RIMS4: variants seen among roughly 807,000 people sequenced by gnomAD.
RIMS4 encodes the protein regulating synaptic membrane exocytosis 4.
RIMS4 carries 9 observed loss-of-function variants against 29.0 expected under a neutral mutation model. That is an observed-to-expected ratio of 0.31 (90% CI 0.19 to 0.54). RIMS4 has a LOEUF of 0.54. Among genes scored for constraint, RIMS4 ranks in the 20% least tolerant of loss-of-function variants. RIMS4 has a pLI of 0.94. For missense variants in RIMS4, 193 were observed against 365.7 expected (o/e 0.53, Z 3.85); for synonymous variants, 130 against 152.9 (o/e 0.85, Z 1.10).
intron 1 of RIMS4, among the ~76,000 whole-genome samples, chr20:44,804,026 T>C (rs1374437532): frequency 1.3e-5 from 2 of 152,176 alleles, no homozygotes; most frequent in East Asian, 3.8e-4. Flanking sequence ...ACCCAGGATC[T>C]CATTTCATGC....
At chr20:44,775,057 C>T (rs1379893579) in intron 1 of RIMS4, among the ~76,000 whole-genome samples, 1 of 152,198 alleles carries the variant, frequency 6.6e-6, no homozygotes, top group Non-Finnish European at 1.5e-5. Flanking sequence ...AGCTCCCGGG[C>T]CCTGAAGCAT....
chr20:44,775,302 T>C (rs949778053), intron 1 of RIMS4, among the ~76,000 whole-genome samples: 3 of 152,158 alleles, frequency 2.0e-5, no homozygotes, highest in Admixed American at 1.3e-4. Flanking sequence ...TTACCACTTC[T>C]GTGAGCCCCT....
intron 1 of RIMS4, among the ~76,000 whole-genome samples, chr20:44,781,668 G>A (rs926229237): frequency 3.3e-5 from 5 of 152,134 alleles, no homozygotes; most frequent in Non-Finnish European, 7.3e-5. Flanking sequence ...TACTCTCCTC[G>A]AGCCAATGTG....
chr20:44,781,281 T>A (rs1311298135), intron 1 of RIMS4, among the ~76,000 whole-genome samples: 3 of 152,104 alleles, frequency 2.0e-5, no homozygotes, highest in Non-Finnish European at 4.4e-5. Flanking sequence ...GATAGGCAAG[T>A]AAAGGGGCAA....
intron 1 of RIMS4, among the ~76,000 whole-genome samples, chr20:44,797,436 C>T (rs1173524942): frequency 1.3e-5 from 2 of 152,252 alleles, no homozygotes; most frequent in East Asian, 1.9e-4. Context: ...CAAGACTAAA[C>T]TCCAGTTGCC....
intron 1 of RIMS4, among the ~76,000 whole-genome samples, chr20:44,797,934 C>T (rs1348214780): frequency 3.3e-5 from 5 of 152,194 alleles, no homozygotes; most frequent in African/African-American, 4.8e-5. Flanking sequence ...GAATGACTTG[C>T]CCAGGGTCAG....
At chr20:44,788,865 T>C (rs1415242432) in intron 1 of RIMS4, among the ~76,000 whole-genome samples, 1 of 152,118 alleles carries the variant, frequency 6.6e-6, no homozygotes, top group Admixed American at 6.5e-5. Context: ...TTTTTCACAA[T>C]GTACTCCATC....
At chr20:44,782,010 A>G (rs2066186636) in intron 1 of RIMS4, among the ~76,000 whole-genome samples, 1 of 152,220 alleles carries the variant, frequency 6.6e-6, no homozygotes, top group Admixed American at 6.5e-5. Flanking sequence ...CCGTCTTCTT[A>G]GGAGAACAGG....
rs115720088 is a variant in RIMS4, at chr20:44,768,343, C to G, written c.236+2932G>C. Among the ~76,000 whole-genome samples the G allele has an allele frequency of 4.8e-3, 738 of 152,334 alleles. 3 individuals are homozygous for G. Among genetic ancestry groups the G allele is most frequent in the African/African-American group, 0.017 (702 of 41,574 alleles). ...GGAATACATACGCCTGGTGATCCAG[C>G]GCAGTCAGACAGACCCAGCGGTGCC... On this transcript the variant is annotated intron_variant, in intron 2 of 5. Transcript: ENST00000372851.
At chr20:44,780,338 G>T (rs972644973) in intron 1 of RIMS4, among the ~76,000 whole-genome samples, 4 of 152,242 alleles carry the variant, frequency 2.6e-5, no homozygotes, top group Non-Finnish European at 5.9e-5. Context: ...GAACTGGCGT[G>T]TGCAGGAACT....
At chr20:44,775,637 C>T (rs1390332882) in intron 1 of RIMS4, among the ~76,000 whole-genome samples, 23 of 152,276 alleles carry the variant, frequency 1.5e-4, no homozygotes. Context: ...CACACCATTG[C>T]GTGTCTCCTG....
In RIMS4 at chr20:44,753,368, A is replaced by G. The variant is rs2066043494; in HGVS notation, c.*2766T>C. The G allele has an allele frequency of 1.3e-5, 2 of 152,262 alleles. No individual in the cohort carries two copies. The highest frequency in any genetic ancestry group is 2.1e-4 in the South Asian group (1 of 4,836). The allele number at this position is 152,262 out of a possible 1,614,324, so 9.4% of individuals were successfully genotyped here. A position where few individuals can be genotyped will look rare whatever the true frequency, so the allele number is the denominator to read the frequency against. ...GACTCCAGGGGTGGCTTTTCCCCCA[A>G]GCTGGGTCTTGATTTCCTTGTCTGT... On this transcript the variant is annotated 3_prime_UTR_variant, in exon 6 of 6. Transcript: ENST00000372851.
chr20:44,798,099 T>A (rs1193209897), intron 1 of RIMS4, among the ~76,000 whole-genome samples: 3 of 152,174 alleles, frequency 2.0e-5, no homozygotes, highest in African/African-American at 7.2e-5. Flanking sequence ...CAACTTTTCA[T>A]GAGGATCAGG....
chr20:44,767,134 T>C (rs1055648840), intron 2 of RIMS4, among the ~76,000 whole-genome samples: 1 of 152,196 alleles, frequency 6.6e-6, no homozygotes, highest in Non-Finnish European at 1.5e-5. Context: ...TATTATTTTC[T>C]AGAATCACCT....
At position 44,753,060 on chromosome 20, in the gene RIMS4, C is replaced by T. The variant is rs1324832114; in HGVS notation, c.*3074G>A. 6.5e-6 allele frequency: 1 copy of T among 152,788 alleles called. No individual in the cohort carries two copies. Among genetic ancestry groups the T allele is most frequent in the Admixed American group, 6.5e-5 (1 of 15,294 alleles). The allele number at this position is 152,788 out of a possible 1,614,324, so 9.5% of individuals were successfully genotyped here. On this transcript the variant is annotated 3_prime_UTR_variant, in exon 6 of 6. Coordinates refer to ENST00000372851, the MANE Select transcript of RIMS4 (RefSeq NM_182970.4). ...AGCAGACATGCACTGGAGCAACGGT[C>T]TCCTGTCGCCTGAAGAACAATGGAG...
chr20:44,790,758 CAG>C lies in RIMS4; in HGVS notation c.98-19347_98-19346del, dbSNP rs562740301. Among the ~76,000 whole-genome samples, 17 of 152,300 alleles carry C rather than the reference CAG, an allele frequency of 1.1e-4. No homozygotes were observed. The East Asian group carries it at 3.3e-3, about 29-fold the overall frequency. ...TCCAGGTCACCAGGTTGGAAGGAGA[CAG>C]AACCTACAAATTCTCCCCGCCACTG... On this transcript the variant is annotated intron_variant, in intron 1 of 5. Transcript: ENST00000372851.
chr20:44,785,267 C>T (rs2066203336), intron 1 of RIMS4, among the ~76,000 whole-genome samples: 1 of 150,912 alleles, frequency 6.6e-6, no homozygotes, highest in African/African-American at 2.4e-5. Flanking sequence ...GATAGGCTGT[C>T]ACCCAGGCTG....
At chr20:44,801,723 T>C (rs1451339327) in intron 1 of RIMS4, among the ~76,000 whole-genome samples, 1 of 152,112 alleles carries the variant, frequency 6.6e-6, no homozygotes, top group East Asian at 1.9e-4. Flanking sequence ...TCCTAGAGGC[T>C]TTATGAGGGC....
chr20:44,799,265 T>C, intron 1 of RIMS4, among the ~76,000 whole-genome samples: 1 of 151,970 alleles, frequency 6.6e-6, no homozygotes, highest in East Asian at 1.9e-4. Flanking sequence ...ATCATGCCAC[T>C]GCACTCTAGA....
Sources: gnomAD v4.1 joint callset for allele counts (sites outside exome capture counted in the v4.1 genomes callset) on GRCh38, gnomAD v4.1.1 for gene constraint, MANE v1.5 for transcripts, NCBI Gene and HGNC (gene_info 2026-07-23, HGNC 2026-07-21) for gene names.